PPIF: variants seen among roughly 807,000 people sequenced by gnomAD.
The protein encoded by PPIF is peptidyl-prolyl cis-trans isomerase F, mitochondrial.
A neutral mutation model predicts 20.2 loss-of-function variants in PPIF; 23 were observed. The ratio of observed to expected loss-of-function variants is 1.14; its 90% confidence interval spans 0.82 to 1.61. The LOEUF (loss-of-function observed/expected upper bound fraction) is 1.61, where lower values mean the gene tolerates loss of function less well. PPIF is among the 40% of genes most tolerant of loss of function. PPIF has a pLI of 0.00. For synonymous variants in PPIF, 113 were observed against 123.1 expected, an observed-to-expected ratio of 0.92 and a Z score of 0.54; for missense variants, 287 against 291.6, an observed-to-expected ratio of 0.98 and a Z score of 0.11.
chr10:79,347,856 G>A, intron 1 of PPIF, 113 bp downstream of exon 1: 2 of 1,223,646 alleles, frequency 1.6e-6, no homozygotes, highest in Non-Finnish European at 1.0e-6. Flanking sequence ...TCCCCATGCC[G>A]AGCTCTGGGC....
At position 79,347,566 on chromosome 10, in the gene PPIF, C is replaced by CGGCTCCCGCT; in HGVS notation, c.24_33dup (p.Gly12ProfsTer68). 7.4e-7 allele frequency: 1 copy of CGGCTCCCGCT among 1,351,168 alleles called. No individual in the cohort carries two copies. The highest frequency in any genetic ancestry group is 9.5e-7 in the Non-Finnish European group (1 of 1,052,766). 83.7% of individuals were successfully genotyped at this position (1,351,168 alleles called of 1,614,324 possible). A position where few individuals can be genotyped will look rare whatever the true frequency, so the allele number is the denominator to read the frequency against. Reference sequence around the variant, plus strand: ...CGCCCGCGATGCTGGCGCTGCGCTGCGGCTCCCGCTGGCTCGGCCTGCTCT... The same window carrying CGGCTCCCGCT: ...CGCCCGCGATGCTGGCGCTGCGCTGCGGCTCCCGCTGGCTCCCGCTGGCTCGGCCTGCTCT... On this transcript the variant is annotated frameshift_variant, in exon 1 of 6. Transcript: ENST00000225174. LOFTEE classifies it high-confidence loss of function.
chr10:79,354,208 A>G lies in PPIF; in HGVS notation c.*366A>G, dbSNP rs1589648021. The G allele has an allele frequency of 3.5e-6, 1 of 281,786 alleles. No homozygotes were observed. The highest frequency in any genetic ancestry group is 9.0e-5 in the East Asian group (1 of 11,128). 17.5% of individuals were successfully genotyped at this position (281,786 alleles called of 1,614,324 possible). On this transcript the variant is annotated 3_prime_UTR_variant, in exon 6 of 6. Transcript: ENST00000225174. ...GACCAAGGGGGACAGTCAGTTTTGCAAAAGGACTCTAATACCTGTTTAATA... is the reference window on the plus strand; with the variant it reads ...GACCAAGGGGGACAGTCAGTTTTGCGAAAGGACTCTAATACCTGTTTAATA...
intron 5 of PPIF, among the ~76,000 whole-genome samples, chr10:79,353,342 AC>A (rs1328589577): frequency 6.6e-6 from 1 of 152,176 alleles, no homozygotes; most frequent in African/African-American, 2.4e-5. Flanking sequence ...ATCATTCATG[AC>A]CGTTAACGTG....
chr10:79,351,788 T>C (rs1589647037), intron 4 of PPIF: 1 of 540,634 alleles, frequency 1.8e-6, no homozygotes, highest in East Asian at 3.2e-5. Flanking sequence ...AAAAGCAGGG[T>C]TTCCTTTGGG....
At position 79,352,503 on chromosome 10, in the gene PPIF, C is replaced by G. The variant is rs960575202; in HGVS notation, c.488+111C>G. The stretch of plus-strand genomic sequence containing the variant: ...TACAGCCAGGCCTTCTGCTCTGGGA[C>G]AGTGGCCCTCTCCCAGGCTGTGTGT... On this transcript the variant is annotated intron_variant, in intron 5 of 5. Transcript: ENST00000225174. The G allele has an allele frequency of 2.8e-6, 3 of 1,056,306 alleles. No homozygotes were observed. In the African/African-American group the frequency reaches 4.7e-5, roughly 16 times the overall value. 65.4% of individuals were successfully genotyped at this position (1,056,306 alleles called of 1,614,324 possible).
intron 1 of PPIF, among the ~76,000 whole-genome samples, chr10:79,348,607 G>T (rs1474607780): frequency 2.0e-5 from 3 of 152,184 alleles, no homozygotes; most frequent in Non-Finnish European, 2.9e-5. Flanking sequence ...TTTGGTTCCA[G>T]GGTGGGTCTT....
intron 3 of PPIF, among the ~76,000 whole-genome samples, chr10:79,350,569 C>T (rs1029839139): frequency 6.6e-6 from 1 of 152,204 alleles, no homozygotes; most frequent in Non-Finnish European, 1.5e-5. Flanking sequence ...TGCGGCGAAG[C>T]CTGGATACGG....
intron 4 of PPIF, 154 bp downstream of exon 4, chr10:79,351,737 G>T: frequency 1.5e-6 from 1 of 656,378 alleles, no homozygotes; most frequent in South Asian, 2.2e-5. Flanking sequence ...AGCATTTCTG[G>T]CTTGTTGAGT....
In PPIF at chr10:79,349,657, AC is replaced by A. The variant is rs746834974; in HGVS notation, c.227-5del. ...CCCTGTTGACCTGTGTTTCTCTTCG[AC>A]CCTCAGAGAACTTCAGAGCCCTGTG... is the stretch of plus-strand genomic sequence containing the variant. On this transcript the variant is annotated splice_polypyrimidine_tract_variant and splice_region_variant and intron_variant, in intron 2 of 5. Transcript: ENST00000225174. 6 of 1,612,862 alleles carry A rather than the reference AC, an allele frequency of 3.7e-6. No homozygotes were observed. The South Asian group carries it at 6.6e-5, about 18-fold the overall frequency.
chr10:79,349,367 C>T (rs112464377), intron 2 of PPIF, among the ~76,000 whole-genome samples: 1,786 of 152,348 alleles, frequency 0.012, 17 homozygotes, highest in Non-Finnish European at 0.018. Context: ...CGGAGACTTC[C>T]CCACTCCTGG....
chr10:79,348,221 G>C (rs1436939383), intron 1 of PPIF, among the ~76,000 whole-genome samples: 2 of 152,180 alleles, frequency 1.3e-5, no homozygotes, highest in Non-Finnish European at 1.5e-5. Flanking sequence ...GGGAAATGGA[G>C]CGAGAGGTGG....
chr10:79,353,593 C>T, intron 5 of PPIF, 114 bp from the exon 6 acceptor site: 2 of 1,569,174 alleles, frequency 1.3e-6, no homozygotes, highest in Non-Finnish European at 8.7e-7. Context: ...CTAGCTATTC[C>T]ATGGGGATTC....
chr10:79,347,772 C>T, intron 1 of PPIF, 29 bp downstream of exon 1: 1 of 1,289,494 alleles, frequency 7.8e-7, no homozygotes, highest in Non-Finnish European at 9.9e-7. Context: ...CCGGCCTGGG[C>T]GCGGGACACG....
At chr10:79,351,752 C>G (rs955568810) in intron 4 of PPIF, 169 bp downstream of exon 4, 5 of 589,470 alleles carry the variant, frequency 8.5e-6, no homozygotes. Context: ...TTGAGTTTCC[C>G]TAGAGTTTTC....
intron 2 of PPIF, 123 bp downstream of exon 2, chr10:79,349,229 T>G: frequency 6.3e-7 from 1 of 1,596,672 alleles, no homozygotes; most frequent in Non-Finnish European, 8.5e-7. Context: ...GAGCTCCATG[T>G]GTGGCTCAGC....
intron 1 of PPIF, among the ~76,000 whole-genome samples, chr10:79,348,557 CA>C (rs1855932747): frequency 6.6e-6 from 1 of 152,172 alleles, no homozygotes; most frequent in Non-Finnish European, 1.5e-5. Flanking sequence ...TCTTCATTCT[CA>C]GTTTCTTCTG....
intron 4 of PPIF, 78 bp downstream of exon 4, chr10:79,351,661 C>A: frequency 7.5e-7 from 1 of 1,329,812 alleles, no homozygotes; most frequent in Non-Finnish European, 1.1e-6. Flanking sequence ...CCCTGAGAGG[C>A]CACATGCAGT....
At position 79,352,340 on chromosome 10, in the gene PPIF, G is replaced by C; in HGVS notation, c.436G>C (p.Gly146Arg). Residue 146 changes from glycine (G) to arginine (R), a missense_variant, in exon 5 of 6, where the codon GGT becomes CGT. Coordinates refer to ENST00000225174, the MANE Select transcript of PPIF (RefSeq NM_005729.4). ...GPGVLSMANAGPNTNGSQFFI... is the reference protein window; with the variant it reads ...GPGVLSMANARPNTNGSQFFI... ...AGGTGTCCTGTCCATGGCTAATGCT[G>C]GTCCTAACACCAACGGCTCCCAGTT... is the stretch of plus-strand genomic sequence containing the variant. 1 of 1,614,146 alleles carries C rather than the reference G, an allele frequency of 6.2e-7. No homozygotes were observed. Among genetic ancestry groups the C allele is most frequent in the Non-Finnish European group, 8.5e-7 (1 of 1,180,002 alleles).
In PPIF at chr10:79,351,533, AC is replaced by A. The variant is rs1855982637; in HGVS notation, c.363del (p.Tyr121Ter). The A allele has an allele frequency of 1.9e-6, 3 of 1,614,096 alleles. No individual in the cohort carries two copies. Among genetic ancestry groups the A allele is most frequent in the Non-Finnish European group, 2.5e-6 (3 of 1,179,984 alleles). On this transcript the variant is annotated frameshift_variant, in exon 4 of 6. Transcript: ENST00000225174. LOFTEE classifies it high-confidence loss of function. ...NHNGTGGKSI[Y>X]GSRFPDENFT... ...AATGGCACAGGCGGGAAGTCCATCT[AC>A]GGAAGCCGCTTTCCTGACGAGAACT...
Sources: gnomAD v4.1 joint callset for allele counts (sites outside exome capture counted in the v4.1 genomes callset) on GRCh38, gnomAD v4.1.1 for gene constraint, MANE v1.5 for transcripts, NCBI Gene and HGNC (gene_info 2026-07-23, HGNC 2026-07-21) for gene names.